SLC30A8: variants seen among roughly 807,000 people sequenced by gnomAD.
SLC30A8 encodes the protein solute carrier family 30 member 8.
SLC30A8 carries 27 observed loss-of-function variants against 36.9 expected under a neutral mutation model. The observed-to-expected ratio is 0.73, with a 90% confidence interval of 0.54 to 1.01. SLC30A8 has a LOEUF of 1.01. SLC30A8 is among the 50% of genes least tolerant of loss of function. The pLI is 0.00. For synonymous variants in SLC30A8, 164 were observed against 172.4 expected, an observed-to-expected ratio of 0.95 and a Z score of 0.38; for missense variants, 439 against 452.0, an observed-to-expected ratio of 0.97 and a Z score of 0.26.
intron 2 of SLC30A8, among the ~76,000 whole-genome samples, chr8:117,085,217 T>G (rs1818827625): frequency 6.6e-6 from 1 of 152,152 alleles, no homozygotes; most frequent in Non-Finnish European, 1.5e-5. Context: ...TAAATACTCA[T>G]GACAACTCTG....
At chr8:116,952,496 G>A (rs1814029156) in intron 1 of SLC30A8, among the ~76,000 whole-genome samples, 1 of 151,716 alleles carries the variant, frequency 6.6e-6, no homozygotes, top group African/African-American at 2.4e-5. Flanking sequence ...CCAGACTGGA[G>A]TGCAGAGGCA....
Position 116,959,590 on chromosome 8 carries a change from C to A in SLC30A8, c.-266+8471C>A, listed in dbSNP as rs578250318. Among the ~76,000 whole-genome samples the A allele has an allele frequency of 3.3e-5, 5 of 152,176 alleles. No homozygotes were observed. The South Asian group carries it at 1.0e-3, about 32-fold the overall frequency. On this transcript the variant is annotated intron_variant, in intron 1 of 10. Coordinates refer to the SLC30A8 transcript ENST00000427715. ...TTCTTGCAGTTTTTTTTCTGGGATG[C>A]AGTTACATTACTTAGAAACCATTTG...
Position 117,106,856 on chromosome 8 carries a change from C to T in SLC30A8, c.-225-28424C>T, listed in dbSNP as rs116053899. Reference sequence around the variant, plus strand: ...CAGGAGCTAGTTGGCTTATGACACACCTACCACCTCTGCAGTGATGCCAAA... The same window carrying T: ...CAGGAGCTAGTTGGCTTATGACACATCTACCACCTCTGCAGTGATGCCAAA... On this transcript the variant is annotated intron_variant, in intron 2 of 10. Coordinates refer to the SLC30A8 transcript ENST00000427715. Among the ~76,000 whole-genome samples, 250 of 152,306 alleles carry T rather than the reference C, an allele frequency of 1.6e-3. 1 individual carries two copies. The highest frequency in any genetic ancestry group is 4.6e-3 in the Admixed American group (70 of 15,298).
intron 1 of SLC30A8, among the ~76,000 whole-genome samples, chr8:117,143,714 C>T (rs531583551): frequency 7.6e-6 from 1 of 132,372 alleles, no homozygotes; most frequent in Non-Finnish European, 1.7e-5. Flanking sequence ...ATGAACACAT[C>T]GTATACAATT....
chr8:117,157,621 C>T, intron 3 of SLC30A8, 70 bp from the exon 4 acceptor site: 1 of 1,569,268 alleles, frequency 6.4e-7, no homozygotes, highest in Non-Finnish European at 8.7e-7. Flanking sequence ...TGTCTTATGA[C>T]TCTTGGGGGT....
intron 2 of SLC30A8, among the ~76,000 whole-genome samples, chr8:117,058,505 T>C (rs1817936194): frequency 6.6e-6 from 1 of 152,160 alleles, no homozygotes; most frequent in Non-Finnish European, 1.5e-5. Flanking sequence ...CCTCATGACC[T>C]AATCACCTTC....
At chr8:116,967,272 A>G (rs985297786) in intron 1 of SLC30A8, among the ~76,000 whole-genome samples, 3 of 152,362 alleles carry the variant, frequency 2.0e-5, no homozygotes, top group East Asian at 3.9e-4. Context: ...TTAAAAGTAG[A>G]TGGAAGAGAA....
chr8:117,067,035 GA>G (rs1319575248), intron 2 of SLC30A8, among the ~76,000 whole-genome samples: 1 of 152,170 alleles, frequency 6.6e-6, no homozygotes, highest in Non-Finnish European at 1.5e-5. Context: ...AATCATGGTG[GA>G]AGGGGAAGCA....
At chr8:116,978,314 A>T (rs1490967887) in intron 1 of SLC30A8, among the ~76,000 whole-genome samples, 1 of 152,170 alleles carries the variant, frequency 6.6e-6, no homozygotes, top group East Asian at 1.9e-4. Flanking sequence ...TGTAAAATCT[A>T]TGTTACTGTT....
chr8:116,989,257 A>G (rs1357033665), intron 1 of SLC30A8, among the ~76,000 whole-genome samples: 2 of 152,212 alleles, frequency 1.3e-5, no homozygotes, highest in Non-Finnish European at 2.9e-5. Context: ...GTTTTTCAAT[A>G]CTGGAAAGCA....
chr8:117,085,081 T>C (rs957052065), intron 2 of SLC30A8, among the ~76,000 whole-genome samples: 10 of 152,132 alleles, frequency 6.6e-5, no homozygotes, highest in African/African-American at 2.4e-4. Context: ...CAGAGAAAGA[T>C]AAATGGCTTT....
At chr8:117,074,155 C>G (rs1285446505) in intron 2 of SLC30A8, among the ~76,000 whole-genome samples, 1 of 151,734 alleles carries the variant, frequency 6.6e-6, no homozygotes, top group Non-Finnish European at 1.5e-5. Context: ...AAGAATGAAA[C>G]GCATGCACGT....
chr8:117,125,951 T>C (rs1301954099), intron 2 of SLC30A8, among the ~76,000 whole-genome samples: 3 of 151,996 alleles, frequency 2.0e-5, no homozygotes, highest in Admixed American at 6.6e-5. Context: ...TAATAATTGA[T>C]CTAGTGAATG....
intron 1 of SLC30A8, among the ~76,000 whole-genome samples, chr8:116,968,349 A>G (rs1320321377): frequency 6.7e-6 from 1 of 149,908 alleles, no homozygotes; most frequent in Non-Finnish European, 1.5e-5. Flanking sequence ...TATATAGCTT[A>G]GTATATATAA....
intron 2 of SLC30A8, among the ~76,000 whole-genome samples, chr8:117,085,466 A>C (rs566388171): frequency 6.6e-6 from 1 of 152,206 alleles, no homozygotes; most frequent in African/African-American, 2.4e-5. Context: ...GTTTCCAAAC[A>C]TGAGAATATA....
chr8:116,955,651 A>G (rs1403238191), intron 1 of SLC30A8, among the ~76,000 whole-genome samples: 2 of 151,504 alleles, frequency 1.3e-5, no homozygotes, highest in Non-Finnish European at 2.9e-5. Context: ...AATCGCTTGA[A>G]CCTAGGAGGC....
chr8:117,042,864 C>A (rs985832755), intron 2 of SLC30A8, among the ~76,000 whole-genome samples: 2 of 152,064 alleles, frequency 1.3e-5, no homozygotes, highest in African/African-American at 4.8e-5. Context: ...TTAGTAGAGA[C>A]GGGTTTTCAC....
chr8:117,046,612 C>T (rs1202368869), intron 2 of SLC30A8, among the ~76,000 whole-genome samples: 1 of 152,168 alleles, frequency 6.6e-6, no homozygotes, highest in East Asian at 1.9e-4. Flanking sequence ...TTTGTTCAAC[C>T]CAAGTTATCT....
At chr8:116,962,899 A>G (rs1814474457) in intron 1 of SLC30A8, among the ~76,000 whole-genome samples, 1 of 151,984 alleles carries the variant, frequency 6.6e-6, no homozygotes, top group Admixed American at 6.6e-5. Flanking sequence ...AAACTTTCCC[A>G]TGTGCCAAAG....
Sources: allele counts gnomAD v4.1 joint callset (sites outside exome capture counted in the v4.1 genomes callset), GRCh38; gene constraint gnomAD v4.1.1; transcripts MANE v1.5; gene names NCBI Gene and HGNC (gene_info 2026-07-23, HGNC 2026-07-21).